The following RABGAP1L variants were observed in gnomAD, a reference collection of about 807,000 sequenced individuals.
RABGAP1L encodes rab GTPase-activating protein 1-like.
In RABGAP1L, 63 loss-of-function variants were observed where a neutral mutation model predicts 137.7. The observed-to-expected ratio is 0.46, with a 90% confidence interval of 0.37 to 0.56. The LOEUF (loss-of-function observed/expected upper bound fraction) is 0.56, where lower values mean the gene tolerates loss of function less well. RABGAP1L is among the 20% of genes least tolerant of loss of function. RABGAP1L has a pLI of 0.00. For synonymous variants in RABGAP1L, 431 were observed against 433.7 expected (o/e 0.99, Z 0.08); for missense variants, 1,095 against 1,244.0 (o/e 0.88, Z 1.80).
rs765949247 is a variant in RABGAP1L, at chr1:174,448,095, C to G, written c.1710+53950C>G. 1.1e-5 allele frequency: 17 copies of G among 1,599,072 alleles called. No individual in the cohort carries two copies. The highest frequency in any genetic ancestry group is 2.6e-6 in the Non-Finnish European group (3 of 1,171,672). On this transcript the variant is annotated intron_variant, in intron 13 of 25. Transcript: ENST00000681986. This position sits in a 1 kb window ranked among gnomAD's most constrained non-coding sequence, Gnocchi z 4.2. ...TTGCTGTAGCCAAGTCTGCAGGTGT[C>G]TTTAAATTTCCAAGCCATGAATGAA...
chr1:174,218,295 T>A (rs182711695), intron 1 of RABGAP1L, among the ~76,000 whole-genome samples: 38 of 152,308 alleles, frequency 2.5e-4, no homozygotes, highest in African/African-American at 8.7e-4. Context: ...TTTGTTTTCT[T>A]ACTAGTATGT....
intron 20 of RABGAP1L, chr1:174,958,068 G>A: frequency 5.3e-6 from 8 of 1,522,952 alleles, no homozygotes; most frequent in Non-Finnish European, 6.2e-6. Context: ...ACTTTTAGCA[G>A]GTGAACTGTT....
chr1:174,181,065 T>A (rs1262777377), intron 1 of RABGAP1L, among the ~76,000 whole-genome samples: 1 of 152,202 alleles, frequency 6.6e-6, no homozygotes, highest in Non-Finnish European at 1.5e-5. Flanking sequence ...AGAACTGAGA[T>A]GTAAACTCTT....
At chr1:174,378,540 T>C (rs1226956696) in intron 12 of RABGAP1L, among the ~76,000 whole-genome samples, 3 of 152,136 alleles carry the variant, frequency 2.0e-5, no homozygotes, top group Non-Finnish European at 2.9e-5. Context: ...TGGCCAGTGA[T>C]GATGAGCATT....
chr1:174,888,779 G>T (rs765249325), intron 19 of RABGAP1L, among the ~76,000 whole-genome samples: 4 of 152,198 alleles, frequency 2.6e-5, no homozygotes, highest in Non-Finnish European at 5.9e-5. Context: ...TTACAGACGT[G>T]AGCCACCATG....
intron 12 of RABGAP1L, among the ~76,000 whole-genome samples, chr1:174,371,608 G>A (rs548529465): frequency 5.9e-5 from 9 of 151,986 alleles, no homozygotes; most frequent in East Asian, 3.9e-4. Flanking sequence ...ATTATATTAA[G>A]TACTTTTTAT....
chr1:174,177,182 G>A (rs558840526), intron 1 of RABGAP1L, among the ~76,000 whole-genome samples: 3 of 152,292 alleles, frequency 2.0e-5, no homozygotes, highest in African/African-American at 7.2e-5. Flanking sequence ...TCTAACTGGC[G>A]TGAGATGGTA....
At chr1:174,524,577 C>T (rs530940737) in intron 13 of RABGAP1L, among the ~76,000 whole-genome samples, 7 of 152,032 alleles carry the variant, frequency 4.6e-5, no homozygotes, top group African/African-American at 1.4e-4. Context: ...CAGATATTTT[C>T]TCCTGTTCAA....
At chr1:174,439,651 A>T (rs955407445) in intron 13 of RABGAP1L, among the ~76,000 whole-genome samples, 2 of 152,120 alleles carry the variant, frequency 1.3e-5, no homozygotes, top group African/African-American at 4.8e-5. Flanking sequence ...CCCTCCCACA[A>T]TTGGGAAATG....
chr1:174,394,819 T>TA (rs1366487079), intron 13 of RABGAP1L, among the ~76,000 whole-genome samples: 13 of 152,080 alleles, frequency 8.5e-5, no homozygotes, highest in African/African-American at 2.9e-4. Flanking sequence ...AAGACTTTGT[T>TA]CCTCAGACTA....
intron 4 of RABGAP1L, among the ~76,000 whole-genome samples, chr1:174,233,366 T>C (rs1468804031): frequency 3.3e-5 from 5 of 150,030 alleles, no homozygotes; most frequent in Non-Finnish European, 7.4e-5. Context: ...CTGCACCCAC[T>C]AACTCGTCAT....
chr1:174,309,506 T>A (rs1032999698), intron 11 of RABGAP1L, among the ~76,000 whole-genome samples: 4 of 152,096 alleles, frequency 2.6e-5, no homozygotes, highest in Admixed American at 1.3e-4. Flanking sequence ...TATATGGCCT[T>A]ATTTTATCCA....
intron 18 of RABGAP1L, among the ~76,000 whole-genome samples, chr1:174,811,297 C>G (rs1255804447): frequency 6.6e-6 from 1 of 152,152 alleles, no homozygotes; most frequent in African/African-American, 2.4e-5. Context: ...TTTTTCATAG[C>G]ATTCTTCAAG....
intron 13 of RABGAP1L, among the ~76,000 whole-genome samples, chr1:174,415,419 G>C (rs1190889384): frequency 6.6e-6 from 1 of 150,690 alleles, no homozygotes; most frequent in East Asian, 2.0e-4. Context: ...GAATATCATG[G>C]ATATGCATAC....
intron 7 of RABGAP1L, among the ~76,000 whole-genome samples, chr1:174,253,223 A>G (rs1473473827): frequency 6.6e-6 from 1 of 152,222 alleles, no homozygotes; most frequent in Non-Finnish European, 1.5e-5. Flanking sequence ...TAAGAAACAT[A>G]TGTAAAGAGG....
intron 13 of RABGAP1L, among the ~76,000 whole-genome samples, chr1:174,601,542 T>A (rs1670414963): frequency 6.6e-6 from 1 of 152,124 alleles, no homozygotes; most frequent in African/African-American, 2.4e-5. Context: ...AAATACCTAA[T>A]GTAAATGACG....
chr1:174,161,161 T>C (rs1456386837), intron 1 of RABGAP1L, among the ~76,000 whole-genome samples: 1 of 151,970 alleles, frequency 6.6e-6, no homozygotes, highest in Admixed American at 6.6e-5. Context: ...GAGAAGTAGA[T>C]AAAGCAGGGC....
chr1:174,966,528 C>T (rs1339218229), intron 20 of RABGAP1L, among the ~76,000 whole-genome samples: 1 of 151,952 alleles, frequency 6.6e-6, no homozygotes, highest in African/African-American at 2.4e-5. Context: ...ATAGATATAT[C>T]AGAAATAAAG....
At chr1:174,370,436 T>A (rs570048277) in intron 11 of RABGAP1L, among the ~76,000 whole-genome samples, 2 of 151,398 alleles carry the variant, frequency 1.3e-5, no homozygotes, top group South Asian at 2.1e-4. Flanking sequence ...AAAAGGCCAG[T>A]TTCAATTTTC....
Sources: allele counts gnomAD v4.1 joint callset (sites outside exome capture counted in the v4.1 genomes callset), GRCh38; gene constraint gnomAD v4.1.1; non-coding constraint Gnocchi (gnomAD v3.1); transcripts MANE v1.5; gene names NCBI Gene and HGNC (gene_info 2026-07-23, HGNC 2026-07-21).